Variants in SGMS1 observed in about 807,000 individuals in gnomAD.
SGMS1 encodes the protein sphingomyelin synthase 1.
Under a neutral mutation model 46.2 loss-of-function variants are expected in SGMS1, and 13 were observed. The observed-to-expected ratio is 0.28, with a 90% confidence interval of 0.18 to 0.45. SGMS1 has a LOEUF of 0.45. Ranked by LOEUF, SGMS1 falls within the 20% of genes least tolerant of loss-of-function variation. The pLI, the probability that SGMS1 is intolerant of heterozygous loss-of-function variation, is 1.00. For missense variants in SGMS1, 324 were observed against 519.9 expected (o/e 0.62, Z 3.66); for synonymous variants, 203 against 187.8 (o/e 1.08, Z -0.66).
At chr10:50,389,310 A>G (rs751329259) in intron 6 of SGMS1, among the ~76,000 whole-genome samples, 37 of 152,208 alleles carry the variant, frequency 2.4e-4, no homozygotes, top group Non-Finnish European at 1.6e-4. Context: ...CTAATAATAT[A>G]GTCATGGCTG....
At chr10:50,487,746 A>AT (rs1437953631) in intron 3 of SGMS1, among the ~76,000 whole-genome samples, 1 of 151,888 alleles carries the variant, frequency 6.6e-6, no homozygotes, top group Non-Finnish European at 1.5e-5. Context: ...CCTCACTTCC[A>AT]TTTTTTGAGA....
intron 2 of SGMS1, among the ~76,000 whole-genome samples, chr10:50,584,339 A>C (rs774905949): frequency 6.6e-6 from 1 of 152,052 alleles, no homozygotes; most frequent in Non-Finnish European, 1.5e-5. Context: ...CTCTACTAAA[A>C]ATACAAAAAA....
chr10:50,495,154 C>T (rs1837603274), intron 3 of SGMS1, among the ~76,000 whole-genome samples: 6 of 142,240 alleles, frequency 4.2e-5, no homozygotes, highest in Admixed American at 3.0e-4. Context: ...AGGAGAATGG[C>T]GTGAACCCAG....
At chr10:50,510,629 T>G (rs1837745457) in intron 3 of SGMS1, among the ~76,000 whole-genome samples, 1 of 151,700 alleles carries the variant, frequency 6.6e-6, no homozygotes, top group South Asian at 2.1e-4. Context: ...TTACTTTTGA[T>G]TTTGAAATAA....
chr10:50,349,900 G>C (rs1329254490), intron 6 of SGMS1, among the ~76,000 whole-genome samples: 1 of 152,142 alleles, frequency 6.6e-6, no homozygotes, highest in South Asian at 2.1e-4. Flanking sequence ...ACAGTACATT[G>C]GTACCAGTAG....
intron 2 of SGMS1, among the ~76,000 whole-genome samples, chr10:50,587,405 C>T (rs1266094142): frequency 2.6e-5 from 4 of 152,118 alleles, no homozygotes; most frequent in East Asian, 1.9e-4. Flanking sequence ...GAGGCCAAGG[C>T]GGGTGGATCA....
intron 6 of SGMS1, among the ~76,000 whole-genome samples, chr10:50,432,303 T>C (rs1190398247): frequency 6.6e-6 from 1 of 152,146 alleles, no homozygotes; most frequent in East Asian, 1.9e-4. Context: ...AGGTAATAAA[T>C]ACTCAAATCT....
chr10:50,477,585 A>G (rs1421825068), intron 3 of SGMS1, among the ~76,000 whole-genome samples: 1 of 152,120 alleles, frequency 6.6e-6, no homozygotes, highest in African/African-American at 2.4e-5. Context: ...GCAGAATGAT[A>G]TGCTTTGGCT....
intron 3 of SGMS1, among the ~76,000 whole-genome samples, chr10:50,482,481 C>T (rs1837485583): frequency 6.6e-6 from 1 of 152,138 alleles, no homozygotes; most frequent in Admixed American, 6.5e-5. Flanking sequence ...AAAATAAAAT[C>T]CTTTTCGAAA....
intron 3 of SGMS1, among the ~76,000 whole-genome samples, chr10:50,506,969 C>A (rs1354159034): frequency 6.6e-6 from 1 of 152,176 alleles, no homozygotes; most frequent in Non-Finnish European, 1.5e-5. Context: ...AAAGCATGTC[C>A]ATTACAACCC....
chr10:50,311,106 G>A (rs1424972939), intron 9 of SGMS1, among the ~76,000 whole-genome samples, 156 bp downstream of exon 9: 1 of 152,176 alleles, frequency 6.6e-6, no homozygotes, highest in Non-Finnish European at 1.5e-5. Flanking sequence ...ATATTTCCCT[G>A]GGTGCCAGTT....
At chr10:50,494,742 A>C (rs1182311719) in intron 3 of SGMS1, among the ~76,000 whole-genome samples, 1 of 152,164 alleles carries the variant, frequency 6.6e-6, no homozygotes, top group Non-Finnish European at 1.5e-5. Flanking sequence ...CAGTTTACCT[A>C]CATTAAGAAA....
upstream of SGMS1, chr10:50,624,956 C>A (rs930509534): frequency 7.4e-5 from 76 of 1,028,722 alleles, no homozygotes; most frequent in Non-Finnish European, 8.6e-5. Flanking sequence ...CAGCCATCTT[C>A]CGCCCGGCCA....
At chr10:50,450,267 T>C (rs1183337959) in intron 5 of SGMS1, among the ~76,000 whole-genome samples, 1 of 151,774 alleles carries the variant, frequency 6.6e-6, no homozygotes, top group Non-Finnish European at 1.5e-5. Context: ...AAGAGAGGAG[T>C]GAGTGTGAAA....
intron 7 of SGMS1, among the ~76,000 whole-genome samples, chr10:50,329,151 T>C (rs1435189715): frequency 6.6e-6 from 1 of 152,192 alleles, no homozygotes; most frequent in Non-Finnish European, 1.5e-5. Context: ...GCACAAAAGG[T>C]ACACATACTC....
At chr10:50,423,277 C>A (rs1472670536) in intron 6 of SGMS1, among the ~76,000 whole-genome samples, 1 of 137,978 alleles carries the variant, frequency 7.2e-6, no homozygotes, top group African/African-American at 2.7e-5. Flanking sequence ...TTCTTCATTC[C>A]TAAAGTGTGC....
intron 3 of SGMS1, among the ~76,000 whole-genome samples, chr10:50,480,608 C>G (rs1837467720): frequency 6.6e-6 from 1 of 151,664 alleles, no homozygotes; most frequent in African/African-American, 2.4e-5. Flanking sequence ...AAACCATGCT[C>G]TTTCCATAGA....
chr10:50,623,480 C>T (rs1838876875), intron 1 of SGMS1: 2 of 771,854 alleles, frequency 2.6e-6, no homozygotes, highest in African/African-American at 1.9e-5. Context: ...CCTCCGAGCC[C>T]GGATCCCGGC....
At chr10:50,459,356 G>T (rs1837235765) in intron 5 of SGMS1, among the ~76,000 whole-genome samples, 1 of 152,164 alleles carries the variant, frequency 6.6e-6, no homozygotes, top group African/African-American at 2.4e-5. Context: ...AAAATGGGGG[G>T]AAAGTAGCAA....
Sources: allele counts gnomAD v4.1 joint callset (sites outside exome capture counted in the v4.1 genomes callset), GRCh38; gene constraint gnomAD v4.1.1; transcripts MANE v1.5; gene names NCBI Gene and HGNC (gene_info 2026-07-23, HGNC 2026-07-21).